Variants in LYRM7 observed in about 807,000 individuals in gnomAD.
LYRM7 encodes complex III assembly factor LYRM7.
LYRM7 carries 9 observed loss-of-function variants against 15.8 expected under a neutral mutation model. The observed-to-expected ratio is 0.57, with a 90% CI of 0.34 to 0.99. The LOEUF (loss-of-function observed/expected upper bound fraction) is 0.99, where lower values mean the gene tolerates loss of function less well. Among genes scored for constraint, LYRM7 ranks in the 50% least tolerant of loss-of-function variants. The pLI, the probability that LYRM7 is intolerant of heterozygous loss-of-function variation, is 0.02. For synonymous variants in LYRM7, 39 were observed against 39.4 expected (o/e 0.99, Z 0.04); for missense variants, 115 against 119.1 (o/e 0.97, Z 0.16).
At chr5:131,198,514 C>A (rs1756006896) in intron 4 of LYRM7, among the ~76,000 whole-genome samples, 1 of 152,044 alleles carries the variant, frequency 6.6e-6, no homozygotes. Context: ...CATCTAGGTT[C>A]AGCTCTTCTG....
intron 2 of LYRM7, among the ~76,000 whole-genome samples, chr5:131,181,316 T>TATATATATATACACAC (rs1208669077): frequency 3.6e-5 from 1 of 27,646 alleles, no homozygotes; most frequent in Non-Finnish European, 7.6e-5. Flanking sequence ...TATATATATA[T>TATATATATATACACAC]ACACACACAC....
chr5:131,186,991 TA>T, intron 3 of LYRM7, 36 bp from the exon 4 acceptor site: 1 of 1,189,736 alleles, frequency 8.4e-7, no homozygotes, highest in Non-Finnish European at 1.2e-6. Flanking sequence ...ATGAAACACC[TA>T]AAGGACTTAC....
At chr5:131,184,644 G>GT (rs1554090150) in intron 3 of LYRM7, among the ~76,000 whole-genome samples, 1 of 144,920 alleles carries the variant, frequency 6.9e-6, no homozygotes, top group African/African-American at 2.9e-5. Context: ...TTTTGGCGGG[G>GT]GGGGGGTTCC....
At position 131,181,452 on chromosome 5, in the gene LYRM7, A is replaced by AT. The variant is rs1491465045; in HGVS notation, c.92-777_92-776insT. On this transcript the variant is annotated intron_variant, in intron 2 of 4. Transcript: ENST00000379380. ...ATAACATATATATGTATATATATAT[A>AT]AAACATATATATGTATATATATATA... Among the ~76,000 whole-genome samples the AT allele has an allele frequency of 3.5e-4, 45 of 126,942 alleles. 1 individual carries two copies. Among genetic ancestry groups the AT allele is most frequent in the Admixed American group, 7.9e-4 (9 of 11,452 alleles). 83.3% of individuals were successfully genotyped at this position (126,942 alleles called of 152,430 possible). A position where few individuals can be genotyped will look rare whatever the true frequency, so the allele number is the denominator to read the frequency against.
intron 4 of LYRM7, among the ~76,000 whole-genome samples, chr5:131,189,568 A>G (rs1254734660): frequency 1.3e-5 from 2 of 151,108 alleles, no homozygotes; most frequent in Non-Finnish European, 1.5e-5. Flanking sequence ...ATTTTTTTAC[A>G]TGTGACTATC....
At chr5:131,173,055 G>A (rs577299289) in intron 1 of LYRM7, among the ~76,000 whole-genome samples, 9 of 148,996 alleles carry the variant, frequency 6.0e-5, no homozygotes, top group African/African-American at 2.1e-4. Flanking sequence ...TTGTACTAAT[G>A]TTGTACTTTA....
chr5:131,184,091 T>C (rs1385940067), intron 3 of LYRM7, among the ~76,000 whole-genome samples: 1 of 152,010 alleles, frequency 6.6e-6, no homozygotes, highest in Non-Finnish European at 1.5e-5. Context: ...TGCCTCATCC[T>C]CCTGAGTAGC....
At chr5:131,179,906 A>G (rs1031027069) in intron 1 of LYRM7, among the ~76,000 whole-genome samples, 189 bp from the exon 2 acceptor site, 1 of 152,110 alleles carries the variant, frequency 6.6e-6, no homozygotes, top group African/African-American at 2.4e-5. Context: ...ACTGCACTCC[A>G]GCCTGGGTGA....
chr5:131,186,929 A>C (rs903950764), intron 3 of LYRM7, 99 bp from the exon 4 acceptor site: 2 of 689,000 alleles, frequency 2.9e-6, no homozygotes, highest in African/African-American at 3.7e-5. Context: ...CTACTGTATT[A>C]CTTGAAAAGA....
intron 1 of LYRM7, among the ~76,000 whole-genome samples, chr5:131,178,267 G>A (rs1755631582): frequency 6.6e-6 from 1 of 152,156 alleles, no homozygotes; most frequent in Non-Finnish European, 1.5e-5. Context: ...AGGGTGTGGT[G>A]GCAAAGTGAC....
intron 2 of LYRM7, 145 bp from the exon 3 acceptor site, chr5:131,182,084 A>C: frequency 1.4e-6 from 1 of 715,410 alleles, no homozygotes; most frequent in Non-Finnish European, 2.0e-6. Flanking sequence ...TTCATTAATA[A>C]ATTTCTTATT....
intron 4 of LYRM7, among the ~76,000 whole-genome samples, chr5:131,192,971 G>T (rs963364111): frequency 1.1e-4 from 17 of 151,968 alleles, no homozygotes; most frequent in African/African-American, 4.1e-4. Flanking sequence ...TGATAAAGAT[G>T]GTCCCAAGAA....
rs1243291236 is a variant in LYRM7, at chr5:131,201,837, T to C, written c.*2236T>C. 2.6e-5 allele frequency: 4 copies of C among 152,052 alleles called. No individual in the cohort carries two copies. Among genetic ancestry groups the C allele is most frequent in the Admixed American group, 6.5e-5 (1 of 15,278 alleles). The allele number at this position is 152,052 out of a possible 1,614,324, so 9.4% of individuals were successfully genotyped here. ...TATTCTTATATAGCATATGCTAATT[T>C]ATTTATTTATTTTTTGAGATTGAGT... On this transcript the variant is annotated 3_prime_UTR_variant, in exon 5 of 5. Transcript: ENST00000379380.
intron 1 of LYRM7, among the ~76,000 whole-genome samples, chr5:131,172,903 A>T (rs1257061945): frequency 1.3e-5 from 2 of 152,208 alleles, no homozygotes; most frequent in Non-Finnish European, 2.9e-5. Flanking sequence ...GTAAATGAGG[A>T]AGAGAATACA....
At chr5:131,198,125 G>A (rs747933124) in intron 4 of LYRM7, among the ~76,000 whole-genome samples, 6 of 151,840 alleles carry the variant, frequency 4.0e-5, no homozygotes, top group Non-Finnish European at 7.4e-5. Flanking sequence ...GCCCATTTGG[G>A]TCTAGATCTC....
chr5:131,181,302 A>AAAAATATATATATAT (rs1554089865), intron 2 of LYRM7, among the ~76,000 whole-genome samples: 1 of 8,774 alleles, frequency 1.1e-4, no homozygotes, highest in East Asian at 3.3e-3. Context: ...AAAAAAAAAA[A>AAAAATATATATATAT]ATATATATAT....
chr5:131,173,145 A>G (rs1334834568), intron 1 of LYRM7, among the ~76,000 whole-genome samples: 6 of 152,196 alleles, frequency 3.9e-5, no homozygotes, highest in Non-Finnish European at 1.5e-5. Context: ...CTCTTGCAAT[A>G]TTAAAATCCC....
chr5:131,172,942 TAA>T (rs912743029), intron 1 of LYRM7, among the ~76,000 whole-genome samples: 22 of 152,350 alleles, frequency 1.4e-4, no homozygotes, highest in South Asian at 6.2e-4. Flanking sequence ...TGCATTTTAA[TAA>T]AAGTTTATCT....
chr5:131,189,588 C>T (rs1005514877), intron 4 of LYRM7, among the ~76,000 whole-genome samples: 2 of 151,608 alleles, frequency 1.3e-5, no homozygotes, highest in Non-Finnish European at 2.9e-5. Flanking sequence ...CCAGTTGATC[C>T]AGCAACACTT....
Sources: gnomAD v4.1 joint callset for allele counts (sites outside exome capture counted in the v4.1 genomes callset) on GRCh38, gnomAD v4.1.1 for gene constraint, MANE v1.5 for transcripts, NCBI Gene and HGNC (gene_info 2026-07-23, HGNC 2026-07-21) for gene names.